Variants in HMCN1 observed in about 807,000 individuals in gnomAD.
The protein encoded by HMCN1 is hemicentin 1.
In HMCN1, 321 loss-of-function variants were observed where a neutral mutation model predicts 625.9. The observed-to-expected ratio is 0.51, with a 90% CI of 0.47 to 0.56. HMCN1 has a LOEUF of 0.56. Among genes scored for constraint, HMCN1 ranks in the 20% least tolerant of loss-of-function variants. The pLI, the probability that HMCN1 is intolerant of heterozygous loss-of-function variation, is 0.00. For missense variants in HMCN1, 6,588 were observed against 6,887.3 expected (o/e 0.96, Z 1.54); for synonymous variants, 2,425 against 2,417.6 (o/e 1.00, Z -0.09).
At chr1:185,790,998 AT>A (rs930075023) in intron 1 of HMCN1, among the ~76,000 whole-genome samples, 32 of 151,724 alleles carry the variant, frequency 2.1e-4, no homozygotes, top group African/African-American at 6.5e-4. Flanking sequence ...TTCCAAACTT[AT>A]TTTTTTTCTT....
chr1:186,032,359 G>A (rs1045896442), intron 36 of HMCN1, among the ~76,000 whole-genome samples: 2 of 152,112 alleles, frequency 1.3e-5, no homozygotes, highest in African/African-American at 4.8e-5. Flanking sequence ...ACCACAATGA[G>A]ATACCACCTT....
At chr1:186,043,514 A>G (rs1656349203) in intron 40 of HMCN1, among the ~76,000 whole-genome samples, 1 of 152,182 alleles carries the variant, frequency 6.6e-6, no homozygotes, top group Non-Finnish European at 1.5e-5. Flanking sequence ...TAACTGAAGG[A>G]AAATATATTT....
chr1:186,155,035 T>C (rs1033296362), intron 97 of HMCN1, among the ~76,000 whole-genome samples: 2 of 152,206 alleles, frequency 1.3e-5, no homozygotes, highest in East Asian at 1.9e-4. Context: ...AGGATTCACA[T>C]TGACCTTGTC....
chr1:186,190,162 A>C lies in HMCN1; in HGVS notation c.*284A>C. 6.3e-6 allele frequency: 3 copies of C among 477,914 alleles called. No homozygotes were observed. Among genetic ancestry groups the C allele is most frequent in the Admixed American group, 3.4e-5 (1 of 29,182 alleles). The allele number at this position is 477,914 out of a possible 1,614,324, so 29.6% of individuals were successfully genotyped here. A position where few individuals can be genotyped will look rare whatever the true frequency, so the allele number is the denominator to read the frequency against. On this transcript the variant is annotated 3_prime_UTR_variant, in exon 107 of 107. Coordinates refer to ENST00000271588, the MANE Select transcript of HMCN1 (RefSeq NM_031935.3). ...GAACATCTAACAGGACATATCAGTG[A>C]TGGTTTACAGTAGTGTAGTACCTAA...
intron 11 of HMCN1, among the ~76,000 whole-genome samples, chr1:185,951,304 A>G (rs1476385124): frequency 1.3e-5 from 2 of 151,586 alleles, no homozygotes; most frequent in Non-Finnish European, 2.9e-5. Context: ...ATAACTAAAA[A>G]GGAGTGCTTA....
intron 100 of HMCN1, among the ~76,000 whole-genome samples, chr1:186,167,751 T>G (rs1420400148): frequency 2.6e-5 from 4 of 152,222 alleles, no homozygotes; most frequent in Admixed American, 2.6e-4. Flanking sequence ...TGCAGACTTT[T>G]TAGATTGCCT....
chr1:185,762,401 G>A (rs1321673), intron 1 of HMCN1, among the ~76,000 whole-genome samples: 5,878 of 152,190 alleles, frequency 0.039, 334 homozygotes, highest in African/African-American at 0.13. Flanking sequence ...TTGCATTAAG[G>A]TGCTCAAAAT....
chr1:185,968,700 A>G (rs1650595119), intron 14 of HMCN1, among the ~76,000 whole-genome samples: 1 of 151,870 alleles, frequency 6.6e-6, no homozygotes, highest in African/African-American at 2.4e-5. Flanking sequence ...AAAAAAGAGA[A>G]CTCTCCTCAA....
chr1:186,023,056 A>G lies in HMCN1; in HGVS notation c.5652A>G (p.Gln1884=). The G allele has an allele frequency of 1.2e-6, 2 of 1,613,512 alleles. No homozygotes were observed. The highest frequency in any genetic ancestry group is 1.3e-5 in the African/African-American group (1 of 75,006). Reference sequence around the variant, plus strand: ...TACAGTCTTCTGGTCGAGTTCTACAAATTGCCAAAACCCTGTTGGAAGATG... The same window carrying G: ...TACAGTCTTCTGGTCGAGTTCTACAGATTGCCAAAACCCTGTTGGAAGATG... The part of the protein sequence containing the change: ...LKIQSSGRVL[Q]IAKTLLEDAG... The change falls in exon 36 of 107, where the codon CAA becomes CAG. Residue 1884 remains glutamine (Q), a synonymous_variant. Transcript: ENST00000271588.
intron 24 of HMCN1, 113 bp from the exon 25 acceptor site, chr1:185,997,316 A>C (rs1652858047): frequency 1.4e-6 from 1 of 739,450 alleles, no homozygotes; most frequent in Non-Finnish European, 2.4e-6. Flanking sequence ...ATCATATTTA[A>C]AAGAAGAATC....
At chr1:185,936,581 C>G (rs1667823285) in intron 11 of HMCN1, among the ~76,000 whole-genome samples, 1 of 152,138 alleles carries the variant, frequency 6.6e-6, no homozygotes, top group Non-Finnish European at 1.5e-5. Context: ...TTTTCTCATA[C>G]TCATTAATAG....
At chr1:186,115,689 G>A (rs1266239506) in intron 75 of HMCN1, among the ~76,000 whole-genome samples, 1 of 151,898 alleles carries the variant, frequency 6.6e-6, no homozygotes, top group Non-Finnish European at 1.5e-5. Flanking sequence ...GTACCTTTTG[G>A]ACTTTTATAA....
chr1:186,099,994 A>G (rs955762894), intron 68 of HMCN1, among the ~76,000 whole-genome samples: 2 of 152,076 alleles, frequency 1.3e-5, no homozygotes, highest in Non-Finnish European at 2.9e-5. Context: ...AGAGTGAAAA[A>G]TGAATTGAAG....
At chr1:185,983,214 A>G (rs1163541695) in intron 18 of HMCN1, among the ~76,000 whole-genome samples, 2 of 152,160 alleles carry the variant, frequency 1.3e-5, no homozygotes, top group Admixed American at 1.3e-4. Flanking sequence ...TTACAGTTCT[A>G]TGAAATTTTT....
chr1:186,161,734 T>C (rs559728627), intron 97 of HMCN1, among the ~76,000 whole-genome samples: 1 of 152,176 alleles, frequency 6.6e-6, no homozygotes. Flanking sequence ...TCTTTAAGAA[T>C]GTTGAATATT....
At chr1:185,742,219 C>T (rs928085753) in intron 1 of HMCN1, among the ~76,000 whole-genome samples, 2 of 152,008 alleles carry the variant, frequency 1.3e-5, no homozygotes, top group African/African-American at 4.8e-5. Flanking sequence ...TTGTCAAAGT[C>T]CATGATTTAC....
In HMCN1 at chr1:186,068,662, T is replaced by A. The variant is rs566738867; in HGVS notation, c.7879+655T>A. On this transcript the variant is annotated intron_variant, in intron 50 of 106. Coordinates refer to ENST00000271588, the MANE Select transcript of HMCN1 (RefSeq NM_031935.3). ...GCGGGCAGATCATGAGGTCAGGAGATTGAGACCATCCTGGCTAACACAGTG... is the reference window on the plus strand; with the variant it reads ...GCGGGCAGATCATGAGGTCAGGAGAATGAGACCATCCTGGCTAACACAGTG... 1.4e-3 allele frequency among the ~76,000 whole-genome samples: 212 copies of A among 151,852 alleles called. 2 individuals carry two copies. The South Asian group carries it at 0.02, about 14-fold the overall frequency.
intron 4 of HMCN1, among the ~76,000 whole-genome samples, chr1:185,898,711 G>C (rs1453912760): frequency 6.6e-6 from 1 of 152,032 alleles, no homozygotes; most frequent in Non-Finnish European, 1.5e-5. Context: ...GCTCTGGAGA[G>C]GTATACATAT....
intron 75 of HMCN1, 132 bp from the exon 76 acceptor site, chr1:186,116,862 C>G: frequency 9.8e-7 from 1 of 1,015,654 alleles, no homozygotes; most frequent in Non-Finnish European, 1.5e-6. Context: ...GCCTCAGGGA[C>G]ATGATGTTAA....
Sources: gnomAD v4.1 joint callset for allele counts (sites outside exome capture counted in the v4.1 genomes callset) on GRCh38, gnomAD v4.1.1 for gene constraint, MANE v1.5 for transcripts, NCBI Gene and HGNC (gene_info 2026-07-23, HGNC 2026-07-21) for gene names.